Variants in MTHFD2L observed in about 807,000 individuals in gnomAD.
The protein encoded by MTHFD2L is bifunctional methylenetetrahydrofolate dehydrogenase/cyclohydrolase 2, mitochondrial.
In MTHFD2L, 29 loss-of-function variants were observed where a neutral mutation model predicts 34.9. The ratio of observed to expected loss-of-function variants is 0.83; its 90% CI spans 0.62 to 1.13. The LOEUF is 1.13. Ranked by LOEUF, MTHFD2L falls within the 50% of genes most tolerant of loss-of-function variation. MTHFD2L has a pLI of 0.00. For missense variants in MTHFD2L, 481 were observed against 446.5 expected, an observed-to-expected ratio of 1.08 and a Z score of -0.70; for synonymous variants, 167 against 155.7, an observed-to-expected ratio of 1.07 and a Z score of -0.54.
intron 6 of MTHFD2L, among the ~76,000 whole-genome samples, chr4:74,264,760 C>T (rs769381305): frequency 1.3e-5 from 2 of 151,692 alleles, no homozygotes; most frequent in Non-Finnish European, 2.9e-5. Flanking sequence ...GTTTCAGCAG[C>T]GTTAATATTA....
chr4:74,275,278 G>T (rs747180557), intron 6 of MTHFD2L, among the ~76,000 whole-genome samples: 1 of 152,000 alleles, frequency 6.6e-6, no homozygotes, highest in Non-Finnish European at 1.5e-5. Flanking sequence ...ACATGATCTC[G>T]TTCCCTTTTG....
intron 6 of MTHFD2L, among the ~76,000 whole-genome samples, chr4:74,258,157 G>A (rs1171216645): frequency 6.6e-6 from 1 of 152,042 alleles, no homozygotes; most frequent in Non-Finnish European, 1.5e-5. Flanking sequence ...AGCCATCATG[G>A]AAAACAGTAT....
At chr4:74,189,045 T>C (rs1731955484) in intron 3 of MTHFD2L, among the ~76,000 whole-genome samples, 1 of 152,010 alleles carries the variant, frequency 6.6e-6, no homozygotes, top group African/African-American at 2.4e-5. Flanking sequence ...AATGGACTAA[T>C]TGGGTAGACT....
intron 4 of MTHFD2L, among the ~76,000 whole-genome samples, chr4:74,200,193 T>TC (rs1734185920): frequency 6.6e-6 from 1 of 152,098 alleles, no homozygotes. Flanking sequence ...GCACCTGTAG[T>TC]CCCAGCTACC....
intron 1 of MTHFD2L, among the ~76,000 whole-genome samples, chr4:74,130,136 C>T (rs971821196): frequency 6.6e-6 from 1 of 152,148 alleles, no homozygotes; most frequent in African/African-American, 2.4e-5. Context: ...GACAAATTCA[C>T]AGCCGAATTC....
chr4:74,263,839 A>G (rs1283559547), intron 6 of MTHFD2L, among the ~76,000 whole-genome samples: 1 of 151,932 alleles, frequency 6.6e-6, no homozygotes, highest in East Asian at 1.9e-4. Context: ...AATTCAGTAT[A>G]TTAAAAGGGC....
At chr4:74,177,975 A>T (rs1428204754) in intron 3 of MTHFD2L, among the ~76,000 whole-genome samples, 1 of 152,040 alleles carries the variant, frequency 6.6e-6, no homozygotes, top group Non-Finnish European at 1.5e-5. Flanking sequence ...GAAGTGTATT[A>T]TACTAAGTAG....
chr4:74,159,915 A>G, intron 1 of MTHFD2L: 1 of 255,798 alleles, frequency 3.9e-6, no homozygotes, highest in Non-Finnish European at 7.0e-6. Flanking sequence ...GGGGGTTTTG[A>G]CGCCCTCTTT....
At chr4:74,188,379 C>G (rs1731735069) in intron 3 of MTHFD2L, among the ~76,000 whole-genome samples, 2 of 152,146 alleles carry the variant, frequency 1.3e-5, no homozygotes, top group South Asian at 4.1e-4. Context: ...ATGAAGAAAG[C>G]AAGTTTTCTG....
At chr4:74,226,809 G>A (rs1261026658) in intron 6 of MTHFD2L, among the ~76,000 whole-genome samples, 1 of 152,138 alleles carries the variant, frequency 6.6e-6, no homozygotes, top group Non-Finnish European at 1.5e-5. Flanking sequence ...ATGATGAAAT[G>A]CCAGCCCTCG....
intron 1 of MTHFD2L, among the ~76,000 whole-genome samples, chr4:74,150,770 CGT>C (rs918741925): frequency 3.8e-4 from 57 of 151,476 alleles, no homozygotes; most frequent in African/African-American, 9.2e-4. Context: ...TATATGTATA[CGT>C]GTGTGTGTGT....
At chr4:74,287,576 G>A (rs574516923) in intron 7 of MTHFD2L, among the ~76,000 whole-genome samples, 75 of 152,078 alleles carry the variant, frequency 4.9e-4, no homozygotes, top group Middle Eastern at 3.4e-3. Flanking sequence ...GTGAAACCCC[G>A]TCTCTACTAA....
At chr4:74,124,741 G>C (rs1336962433), upstream of MTHFD2L, among the ~76,000 whole-genome samples, 2 of 152,002 alleles carry the variant, frequency 1.3e-5, no homozygotes, top group Non-Finnish European at 2.9e-5. Context: ...CCAAGTATTA[G>C]TACAGTACCA....
At chr4:74,218,442 A>C (rs1056378302) in intron 5 of MTHFD2L, among the ~76,000 whole-genome samples, 4 of 152,164 alleles carry the variant, frequency 2.6e-5, no homozygotes, top group South Asian at 2.1e-4. Context: ...GAGTGAGGCT[A>C]GAGAGCCACT....
In MTHFD2L at chr4:74,179,757, A is replaced by C. The variant is rs1348602436; in HGVS notation, c.451+4354A>C. 2.0e-5 allele frequency among the ~76,000 whole-genome samples: 3 copies of C among 152,146 alleles called. 1 individual carries two copies. In the South Asian group the frequency reaches 6.2e-4, roughly 31 times the overall value. On this transcript the variant is annotated intron_variant, in intron 3 of 7. Coordinates refer to ENST00000325278, the MANE Select transcript of MTHFD2L (RefSeq NM_001144978.3). ...ACCTTAAACATTGTGTTATGTAATAAATAATTTAAATATTCATTCATCAAT... is the reference window on the plus strand; with the variant it reads ...ACCTTAAACATTGTGTTATGTAATACATAATTTAAATATTCATTCATCAAT...
At chr4:74,281,957 C>T (rs368515559) in intron 7 of MTHFD2L, among the ~76,000 whole-genome samples, 8 of 152,170 alleles carry the variant, frequency 5.3e-5, no homozygotes, top group African/African-American at 1.9e-4. Flanking sequence ...CAGAAGGCAC[C>T]TTAGGGTGTG....
intron 5 of MTHFD2L, among the ~76,000 whole-genome samples, chr4:74,216,315 A>C (rs1213156095): frequency 6.6e-6 from 1 of 151,816 alleles, no homozygotes; most frequent in South Asian, 2.1e-4. Flanking sequence ...TGCCCACTAG[A>C]ATCATCAGGA....
chr4:74,190,831 C>T (rs1379410078), intron 3 of MTHFD2L, among the ~76,000 whole-genome samples: 2 of 152,136 alleles, frequency 1.3e-5, no homozygotes, highest in Non-Finnish European at 2.9e-5. Flanking sequence ...AGTAGGCAGA[C>T]ATTTATTCCA....
chr4:74,121,870 AG>A (rs547526878), upstream of MTHFD2L, among the ~76,000 whole-genome samples: 6 of 151,952 alleles, frequency 3.9e-5, no homozygotes, highest in Non-Finnish European at 8.8e-5. Context: ...GGTGCCAAAA[AG>A]GTTGGGGGCC....
Sources: allele counts gnomAD v4.1 joint callset (sites outside exome capture counted in the v4.1 genomes callset), GRCh38; gene constraint gnomAD v4.1.1; transcripts MANE v1.5; gene names NCBI Gene and HGNC (gene_info 2026-07-23, HGNC 2026-07-21).